Variants in STAU2 observed in about 807,000 individuals in gnomAD.
The protein encoded by STAU2 is double-stranded RNA-binding protein Staufen homolog 2.
Under a neutral mutation model 65.9 loss-of-function variants are expected in STAU2, and 20 were observed. The observed-to-expected ratio is 0.30, with a 90% confidence interval of 0.21 to 0.44. STAU2 has a LOEUF of 0.44. STAU2 is among the 20% of genes least tolerant of loss of function. STAU2 has a pLI of 1.00. For synonymous variants in STAU2, 232 were observed against 233.9 expected (o/e 0.99, Z 0.07); for missense variants, 558 against 683.9 (o/e 0.82, Z 2.05).
At chr8:73,519,330 A>C (rs1429113565) in intron 13 of STAU2, among the ~76,000 whole-genome samples, 2 of 152,190 alleles carry the variant, frequency 1.3e-5, no homozygotes, top group Non-Finnish European at 2.9e-5. Flanking sequence ...ATTCTTGCTC[A>C]AACCTATGAC....
intron 13 of STAU2, among the ~76,000 whole-genome samples, chr8:73,535,300 A>G (rs960096715): frequency 6.6e-6 from 1 of 151,816 alleles, no homozygotes; most frequent in Non-Finnish European, 1.5e-5. Flanking sequence ...CTCCCAAGTA[A>G]CTGGGACTAC....
intron 6 of STAU2, among the ~76,000 whole-genome samples, chr8:73,664,745 C>G (rs979593435): frequency 5.3e-5 from 8 of 152,254 alleles, no homozygotes; most frequent in African/African-American, 1.9e-4. Flanking sequence ...AATCCCAGCA[C>G]TTTGGGAGGA....
At chr8:73,673,024 GA>G (rs1253510240) in intron 6 of STAU2, 82 bp downstream of exon 6, 18 of 1,279,522 alleles carry the variant, frequency 1.4e-5, no homozygotes, top group Non-Finnish European at 1.8e-5. Flanking sequence ...GATTTACAAT[GA>G]AAATACTCTT....
intron 13 of STAU2, among the ~76,000 whole-genome samples, chr8:73,504,027 A>G (rs1821907016): frequency 6.6e-6 from 1 of 152,148 alleles, no homozygotes; most frequent in Admixed American, 6.6e-5. Context: ...CAATATTAAA[A>G]TGAAAGTGGA....
chr8:73,649,698 G>A (rs1449924921), intron 6 of STAU2, among the ~76,000 whole-genome samples: 1 of 151,336 alleles, frequency 6.6e-6, no homozygotes, highest in African/African-American at 2.4e-5. Context: ...GTACTATGAT[G>A]GACAGGGCAG....
intron 10 of STAU2, among the ~76,000 whole-genome samples, chr8:73,600,160 TAAAC>T (rs1367525277): frequency 6.6e-6 from 1 of 152,130 alleles, no homozygotes; most frequent in East Asian, 1.9e-4. Flanking sequence ...AACTTAAACA[TAAAC>T]AATGTACAAA....
chr8:73,497,293 C>A (rs1177216738), intron 13 of STAU2, among the ~76,000 whole-genome samples: 1 of 151,640 alleles, frequency 6.6e-6, no homozygotes. Context: ...ATAAGAATTG[C>A]AAGACTGGTT....
chr8:73,744,411 A>C (rs2130798890), intron 1 of STAU2, among the ~76,000 whole-genome samples: 1 of 152,098 alleles, frequency 6.6e-6, no homozygotes, highest in Non-Finnish European at 1.5e-5. Flanking sequence ...CTGTACCTAT[A>C]AATGATCAGA....
At chr8:73,544,530 T>C (rs1218035673) in intron 13 of STAU2, among the ~76,000 whole-genome samples, 2 of 152,230 alleles carry the variant, frequency 1.3e-5, no homozygotes, top group African/African-American at 2.4e-5. Context: ...TAAAACACCA[T>C]GCCCTTTTAT....
chr8:73,593,576 T>C (rs904851699), intron 11 of STAU2, among the ~76,000 whole-genome samples: 1 of 152,212 alleles, frequency 6.6e-6, no homozygotes, highest in Non-Finnish European at 1.5e-5. Context: ...AACATTATTC[T>C]GAGTGTTTCT....
At chr8:73,629,139 TACTC>T (rs1471615039) in intron 6 of STAU2, among the ~76,000 whole-genome samples, 35 of 152,234 alleles carry the variant, frequency 2.3e-4, no homozygotes, top group African/African-American at 8.4e-4. Context: ...AGTTAATAGA[TACTC>T]ACTGGAACAG....
intron 6 of STAU2, chr8:73,653,798 G>A (rs2130253700): frequency 2.8e-6 from 1 of 353,974 alleles, no homozygotes. Context: ...ACCTTTAGGA[G>A]TCTTCAAGAG....
At chr8:73,620,977 A>G (rs566213882) in intron 6 of STAU2, among the ~76,000 whole-genome samples, 23 of 152,278 alleles carry the variant, frequency 1.5e-4, no homozygotes, top group Middle Eastern at 3.4e-3. Flanking sequence ...GTCTCAAAAT[A>G]CTTACTTCCT....
At chr8:73,479,602 A>T (rs888208208) in intron 13 of STAU2, among the ~76,000 whole-genome samples, 2 of 152,120 alleles carry the variant, frequency 1.3e-5, no homozygotes, top group African/African-American at 4.8e-5. Context: ...GTAGAAAAAA[A>T]TAAACAAGCA....
chr8:73,638,567 C>T (rs1285676878), intron 6 of STAU2, among the ~76,000 whole-genome samples: 2 of 149,280 alleles, frequency 1.3e-5, no homozygotes, highest in African/African-American at 2.5e-5. Context: ...ATTTCACTGG[C>T]AGTCTAATAA....
At chr8:73,731,091 C>A (rs991320879) in intron 3 of STAU2, among the ~76,000 whole-genome samples, 1 of 152,136 alleles carries the variant, frequency 6.6e-6, no homozygotes, top group Admixed American at 6.6e-5. Flanking sequence ...TATTTGAAGC[C>A]TTATTGTGAA....
At chr8:73,606,563 A>T (rs1205920032) in intron 9 of STAU2, among the ~76,000 whole-genome samples, 1 of 152,240 alleles carries the variant, frequency 6.6e-6, no homozygotes. Context: ...CTACATGAAC[A>T]TCTGAAATTT....
At chr8:73,441,057 C>G (rs1021131431) in intron 13 of STAU2, 6 of 152,318 alleles carry the variant, frequency 3.9e-5, no homozygotes, top group African/African-American at 1.4e-4. Context: ...ATCCAGGTCT[C>G]TTCTCCAGTG....
intron 4 of STAU2, among the ~76,000 whole-genome samples, chr8:73,702,690 C>A (rs116266380): frequency 6.6e-6 from 1 of 151,954 alleles, no homozygotes; most frequent in East Asian, 1.9e-4. Flanking sequence ...AAGAACTTCT[C>A]AAAACTGAAC....
Sources: gnomAD v4.1 joint callset for allele counts (sites outside exome capture counted in the v4.1 genomes callset) on GRCh38, gnomAD v4.1.1 for gene constraint, MANE v1.5 for transcripts, NCBI Gene and HGNC (gene_info 2026-07-23, HGNC 2026-07-21) for gene names.